The following RASGRP1 variants were observed in gnomAD, a reference collection of about 807,000 sequenced individuals.
RASGRP1 encodes the protein RAS guanyl-releasing protein 1.
RASGRP1 carries 37 observed loss-of-function variants against 95.1 expected under a neutral mutation model. That is an observed-to-expected ratio of 0.39 (90% confidence interval 0.30 to 0.51). The LOEUF is 0.51. Among genes scored for constraint, RASGRP1 ranks in the 20% least tolerant of loss-of-function variants. The probability of loss-of-function intolerance (pLI) is 0.80; values close to 1 mark genes in which losing one functional copy is unlikely to be tolerated. For synonymous variants in RASGRP1, 325 were observed against 353.4 expected (o/e 0.92, Z 0.90); for missense variants, 711 against 965.4 (o/e 0.74, Z 3.49).
chr15:38,541,666 C>T (rs141073952), intron 2 of RASGRP1, among the ~76,000 whole-genome samples: 19 of 152,276 alleles, frequency 1.2e-4, no homozygotes, highest in African/African-American at 2.4e-4. Context: ...CACTAACCCA[C>T]GGATAATACC....
Position 38,489,522 on chromosome 15 carries a change from G to T in RASGRP1, c.*1032C>A, listed in dbSNP as rs1033076673. ...GAGGAAACAAAATTCCAAGCCACAT[G>T]CATGCCTGATATTGTATATACATAT... On this transcript the variant is annotated 3_prime_UTR_variant, in exon 17 of 17. Coordinates refer to ENST00000310803, the MANE Select transcript of RASGRP1 (RefSeq NM_005739.4). 2 of 152,454 alleles carry T rather than the reference G, an allele frequency of 1.3e-5. No homozygotes were observed. Among genetic ancestry groups the T allele is most frequent in the Non-Finnish European group, 2.9e-5 (2 of 67,910 alleles). 9.4% of individuals were successfully genotyped at this position (152,454 alleles called of 1,614,324 possible).
Position 38,518,345 on chromosome 15 carries a change from C to T in RASGRP1, c.468G>A (p.Leu156=). 1 of 1,609,914 alleles carries T rather than the reference C, an allele frequency of 6.2e-7. No homozygotes were observed. The highest frequency in any genetic ancestry group is 8.5e-7 in the Non-Finnish European group (1 of 1,178,156). The change falls in exon 5 of 17, where the codon CTG becomes CTA. Residue 156 remains leucine (L), a synonymous_variant. Transcript: ENST00000310803. ...GTAACTCCTCACCCTTAGCTTTCACCAGTTCCTGAAACTCCTCCATAGTGT... is the reference window on the plus strand; with the variant it reads ...GTAACTCCTCACCCTTAGCTTTCACTAGTTCCTGAAACTCCTCCATAGTGT... ...LTDTMEEFQE[L]VKAKGEELHC... is the part of the protein sequence containing the mutation.
At chr15:38,497,621 G>T (rs1207470440) in intron 15 of RASGRP1, among the ~76,000 whole-genome samples, 1 of 151,972 alleles carries the variant, frequency 6.6e-6, no homozygotes, top group Non-Finnish European at 1.5e-5. Flanking sequence ...CAACCTATTT[G>T]GCTCTTAGCA....
chr15:38,535,297 A>G (rs569457058), intron 2 of RASGRP1, among the ~76,000 whole-genome samples: 146 of 152,014 alleles, frequency 9.6e-4, no homozygotes, highest in Non-Finnish European at 1.7e-3. Flanking sequence ...GAAGAGCTCT[A>G]CCATTTTGGC....
chr15:38,519,610 C>T (rs943568309), intron 3 of RASGRP1, among the ~76,000 whole-genome samples: 25 of 152,048 alleles, frequency 1.6e-4, no homozygotes, highest in Admixed American at 2.0e-4. Flanking sequence ...ACCTGGCTTA[C>T]GGAAGGAAGC....
chr15:38,547,856 T>TGC (rs775014613), intron 2 of RASGRP1, among the ~76,000 whole-genome samples: 78 of 151,990 alleles, frequency 5.1e-4, no homozygotes, highest in African/African-American at 1.3e-3. Flanking sequence ...TGTGTGTGTG[T>TGC]GCGCGCGCGC....
At chr15:38,513,176 C>G (rs140224790) in intron 6 of RASGRP1, among the ~76,000 whole-genome samples, 1 of 152,102 alleles carries the variant, frequency 6.6e-6, no homozygotes, top group African/African-American at 2.4e-5. Context: ...TTCTCTACAT[C>G]GAAAGTTATT....
chr15:38,538,135 G>A (rs902319593), intron 2 of RASGRP1, among the ~76,000 whole-genome samples: 4 of 151,988 alleles, frequency 2.6e-5, no homozygotes, highest in Admixed American at 2.6e-4. Context: ...GTGGTGGTGG[G>A]CGCCTGTAAT....
intron 5 of RASGRP1, among the ~76,000 whole-genome samples, chr15:38,517,402 TTG>T (rs1891832618): frequency 6.6e-6 from 1 of 152,126 alleles, no homozygotes. Flanking sequence ...ATCTTTCAAG[TTG>T]TGTAATTTTA....
intron 4 of RASGRP1, 120 bp downstream of exon 4, chr15:38,519,189 A>G: frequency 4.7e-6 from 3 of 634,718 alleles, no homozygotes; most frequent in Non-Finnish European, 7.7e-6. Context: ...ATGAAGGACT[A>G]CCCTTTTCCA....
chr15:38,536,568 G>T (rs1156312093), intron 2 of RASGRP1, among the ~76,000 whole-genome samples: 1 of 152,180 alleles, frequency 6.6e-6, no homozygotes, highest in African/African-American at 2.4e-5. Context: ...GCCCATCTGA[G>T]AATTACTGGT....
chr15:38,490,781 A>G (rs1267453976), intron 16 of RASGRP1, 93 bp from the exon 17 acceptor site: 19 of 1,316,128 alleles, frequency 1.4e-5, no homozygotes, highest in Non-Finnish European at 2.0e-5. Context: ...GGCATTTCCT[A>G]TTCACTGTGG....
chr15:38,529,123 T>G (rs1892342240), intron 2 of RASGRP1, among the ~76,000 whole-genome samples: 1 of 152,230 alleles, frequency 6.6e-6, no homozygotes, highest in African/African-American at 2.4e-5. Context: ...GGCCTCACCC[T>G]AGTTGTAGCC....
At chr15:38,526,150 C>T in intron 3 of RASGRP1, 149 bp downstream of exon 3, 1 of 652,540 alleles carries the variant, frequency 1.5e-6, no homozygotes, top group Non-Finnish European at 2.7e-6. Flanking sequence ...ACCCCCAACA[C>T]ATGCACCCAT....
chr15:38,542,886 C>T (rs902825895), intron 2 of RASGRP1, among the ~76,000 whole-genome samples: 8 of 128,892 alleles, frequency 6.2e-5, no homozygotes, highest in African/African-American at 1.8e-4. Context: ...TATATATACA[C>T]ATATATGTGT....
chr15:38,508,137 A>G (rs1304882503), intron 8 of RASGRP1, 136 bp from the exon 9 acceptor site: 5 of 946,998 alleles, frequency 5.3e-6, no homozygotes, highest in Non-Finnish European at 6.2e-6. Flanking sequence ...TAATTCATGT[A>G]AAAGGTACAG....
In RASGRP1 at chr15:38,490,468, G is replaced by A. The variant is rs1199801486; in HGVS notation, c.*86C>T. The A allele has an allele frequency of 1.4e-6, 2 of 1,386,508 alleles. No homozygotes were observed. Among genetic ancestry groups the A allele is most frequent in the South Asian group, 1.6e-5 (1 of 62,824 alleles). The allele number at this position is 1,386,508 out of a possible 1,614,324, so 85.9% of individuals were successfully genotyped here. A position where few individuals can be genotyped will look rare whatever the true frequency, so the allele number is the denominator to read the frequency against. ...TAAAGTACTGTTTTAAAGCTGGTCA[G>A]TGTAAAGTTCCTCAGGTCTGTGCAT... is the stretch of plus-strand genomic sequence containing the variant. On this transcript the variant is annotated 3_prime_UTR_variant, in exon 17 of 17. Coordinates refer to ENST00000310803, the MANE Select transcript of RASGRP1 (RefSeq NM_005739.4).
In RASGRP1 at chr15:38,560,009, G is replaced by T. The variant is rs759236828; in HGVS notation, c.36-4C>A. ...TCTGCAGCCATGGGAAGGTTTCCTG[G>T]GGAAAGAGAGAAGGCAGTGAGGGGA... On this transcript the variant is annotated splice_polypyrimidine_tract_variant and splice_region_variant and intron_variant, in intron 1 of 16. Transcript: ENST00000310803. 6.2e-7 allele frequency: 1 copy of T among 1,608,886 alleles called. No individual in the cohort carries two copies. Among genetic ancestry groups the T allele is most frequent in the East Asian group, 2.2e-5 (1 of 44,794 alleles).
intron 6 of RASGRP1, among the ~76,000 whole-genome samples, chr15:38,515,067 C>T (rs1475436032): frequency 6.6e-6 from 1 of 152,160 alleles, no homozygotes. Flanking sequence ...GACCAAACAG[C>T]TGCGTGAAAA....
Sources: gnomAD v4.1 joint callset for allele counts (sites outside exome capture counted in the v4.1 genomes callset) on GRCh38, gnomAD v4.1.1 for gene constraint, MANE v1.5 for transcripts, NCBI Gene and HGNC (gene_info 2026-07-23, HGNC 2026-07-21) for gene names.